Variants in CIT observed in about 807,000 individuals in gnomAD.
The protein encoded by CIT is citron Rho-interacting kinase.
A neutral mutation model predicts 272.7 loss-of-function variants in CIT; 79 were observed. That is an observed-to-expected ratio of 0.29 (90% CI 0.24 to 0.35). The LOEUF (loss-of-function observed/expected upper bound fraction) is 0.35, where lower values mean the gene tolerates loss of function less well. Among genes scored for constraint, CIT ranks in the 10% least tolerant of loss-of-function variants. CIT has a pLI of 1.00. For missense variants in CIT, 1,909 were observed against 2,618.3 expected (o/e 0.73, Z 5.91); for synonymous variants, 948 against 995.6 (o/e 0.95, Z 0.90).
chr12:119,869,264 CCA>C (rs1950599910), intron 2 of CIT, 63 bp from the exon 3 acceptor site: 1 of 1,497,464 alleles, frequency 6.7e-7, no homozygotes, highest in Non-Finnish European at 9.0e-7. Flanking sequence ...TCAATAACAT[CCA>C]CACAGAGTAA....
At chr12:119,807,321 C>T (rs1476897355) in intron 9 of CIT, among the ~76,000 whole-genome samples, 2 of 152,196 alleles carry the variant, frequency 1.3e-5, no homozygotes, top group Non-Finnish European at 2.9e-5. Flanking sequence ...ACTTTAAAAT[C>T]TGGTTGCTGC....
intron 3 of CIT, among the ~76,000 whole-genome samples, chr12:119,862,910 G>T (rs1950400543): frequency 6.9e-6 from 1 of 144,854 alleles, no homozygotes; most frequent in South Asian, 2.2e-4. Context: ...TAAAAAAGAG[G>T]CTGACATTGG....
chr12:119,698,409 G>A (rs1349434626), intron 44 of CIT, among the ~76,000 whole-genome samples: 1 of 152,098 alleles, frequency 6.6e-6, no homozygotes, highest in Non-Finnish European at 1.5e-5. Context: ...GGCCTACATG[G>A]TGAAACCCCA....
At chr12:119,704,267 AGGCTGTGTCC>A in intron 41 of CIT, 86 bp downstream of exon 41, 1 of 1,139,240 alleles carries the variant, frequency 8.8e-7, no homozygotes, top group Non-Finnish European at 1.3e-6. Flanking sequence ...AACCCAGTAC[AGGCTGTGTCC>A]CAGGACAGTG....
chr12:119,857,202 T>C (rs1950196487), intron 4 of CIT, among the ~76,000 whole-genome samples: 1 of 152,196 alleles, frequency 6.6e-6, no homozygotes, highest in Non-Finnish European at 1.5e-5. Context: ...CCCCACCATA[T>C]GTATATCCTG....
intron 12 of CIT, chr12:119,783,406 AG>A (rs1334172291): frequency 1.3e-5 from 2 of 152,636 alleles, no homozygotes; most frequent in East Asian, 3.9e-4. Flanking sequence ...ACTCTTGTGA[AG>A]GAAAGAAAAA....
intron 4 of CIT, among the ~76,000 whole-genome samples, chr12:119,853,160 C>T (rs1159417872): frequency 6.6e-6 from 1 of 151,978 alleles, no homozygotes; most frequent in Non-Finnish European, 1.5e-5. Context: ...AACCCCGTCT[C>T]TACTAAAAAT....
intron 47 of CIT, among the ~76,000 whole-genome samples, chr12:119,689,166 A>G (rs188610292): frequency 6.7e-6 from 1 of 148,806 alleles, no homozygotes; most frequent in Non-Finnish European, 1.5e-5. Flanking sequence ...GCAACATAGT[A>G]AGACCCTGTC....
At chr12:119,803,974 G>A (rs1966425777) in intron 9 of CIT, 1 of 180,846 alleles carries the variant, frequency 5.5e-6, no homozygotes, top group Non-Finnish European at 1.1e-5. Context: ...TCGACTCCGA[G>A]ATCTTATTAA....
intron 18 of CIT, among the ~76,000 whole-genome samples, chr12:119,769,358 T>C (rs142519549): frequency 4.6e-4 from 70 of 152,340 alleles, no homozygotes; most frequent in African/African-American, 1.6e-3. Flanking sequence ...TTTAAACAGG[T>C]ATTTTCTAGA....
intron 47 of CIT, among the ~76,000 whole-genome samples, chr12:119,689,535 A>C (rs1231795563): frequency 6.8e-6 from 1 of 148,116 alleles, no homozygotes; most frequent in Admixed American, 6.6e-5. Flanking sequence ...CGCACAGAAT[A>C]TCTCTAGAAA....
Position 119,741,153 on chromosome 12 carries a change from A to AT in CIT, c.2958+1257dup, listed in dbSNP as rs371523318. 8.8e-3 allele frequency among the ~76,000 whole-genome samples: 1,192 copies of AT among 134,954 alleles called. 14 individuals are homozygous for AT. Among genetic ancestry groups the AT allele is most frequent in the African/African-American group, 0.031 (1,090 of 34,912 alleles). 88.5% of individuals were successfully genotyped at this position (134,954 alleles called of 152,430 possible). A position where few individuals can be genotyped will look rare whatever the true frequency, so the allele number is the denominator to read the frequency against. ...CATACACCAGAAACACCACACAGTG[A>AT]TAAAAAAAAAAAAGAACAAATTATT... On this transcript the variant is annotated intron_variant, in intron 24 of 47. Transcript: ENST00000392521.
chr12:119,820,836 G>A (rs961110727), intron 9 of CIT, among the ~76,000 whole-genome samples: 28 of 151,968 alleles, frequency 1.8e-4, no homozygotes, highest in African/African-American at 6.3e-4. Context: ...AGAGTGTGAT[G>A]GCACACACCT....
At chr12:119,809,443 T>C (rs1007694366) in intron 9 of CIT, among the ~76,000 whole-genome samples, 1 of 152,204 alleles carries the variant, frequency 6.6e-6, no homozygotes, top group Non-Finnish European at 1.5e-5. Flanking sequence ...ATGAGATATA[T>C]ATATACATAT....
chr12:119,688,777 A>G (rs1442575396), intron 47 of CIT, among the ~76,000 whole-genome samples: 2 of 152,258 alleles, frequency 1.3e-5, no homozygotes, highest in African/African-American at 4.8e-5. Flanking sequence ...CATGCACATG[A>G]TTTAAACATT....
rs1418327556 is a variant in CIT, at chr12:119,782,768, T to C, written c.1546-131A>G. Reference sequence around the variant, plus strand: ...CGAGTGACGGACCACAGTTCACAACTTCCAGTTGGTTGCCGACTCCGGTTT... The same window carrying C: ...CGAGTGACGGACCACAGTTCACAACCTCCAGTTGGTTGCCGACTCCGGTTT... On this transcript the variant is annotated intron_variant, in intron 12 of 47. Transcript: ENST00000392521. 2.6e-6 allele frequency: 3 copies of C among 1,149,114 alleles called. No individual in the cohort carries two copies. The East Asian group carries it at 7.5e-5, about 29-fold the overall frequency. The allele number at this position is 1,149,114 out of a possible 1,614,324, so 71.2% of individuals were successfully genotyped here. A position where few individuals can be genotyped will look rare whatever the true frequency, so the allele number is the denominator to read the frequency against.
chr12:119,724,763 C>A lies in CIT; in HGVS notation c.3592-3314G>T, dbSNP rs188940902. ...GACCATCCTGGCCAACGTGGTGAAA[C>A]CCTGTCTCTACTAAAAATACAAAAA... is the stretch of plus-strand genomic sequence containing the variant. On this transcript the variant is annotated intron_variant, in intron 28 of 47. Transcript: ENST00000392521. Among the ~76,000 whole-genome samples the A allele has an allele frequency of 2.7e-3, 413 of 151,862 alleles. 2 individuals are homozygous for A. The highest frequency in any genetic ancestry group is 9.3e-3 in the African/African-American group (387 of 41,414).
chr12:119,775,761 T>C (rs1566025264), intron 16 of CIT, 25 bp downstream of exon 16: 1 of 1,600,478 alleles, frequency 6.2e-7, no homozygotes, highest in East Asian at 2.2e-5. Context: ...GGGGGTAAGT[T>C]CCTGAAAAAT....
At chr12:119,725,026 A>ACT (rs1236214912) in intron 28 of CIT, among the ~76,000 whole-genome samples, 1 of 151,994 alleles carries the variant, frequency 6.6e-6, no homozygotes, top group South Asian at 2.1e-4. Context: ...ATCCATTAGT[A>ACT]AAGTTTGTCA....
Sources: gnomAD v4.1 joint callset for allele counts (sites outside exome capture counted in the v4.1 genomes callset) on GRCh38, gnomAD v4.1.1 for gene constraint, MANE v1.5 for transcripts, NCBI Gene and HGNC (gene_info 2026-07-23, HGNC 2026-07-21) for gene names.